Variants in C12orf54 observed in about 807,000 individuals in gnomAD.
C12orf54 encodes the protein chromosome 12 open reading frame 54.
C12orf54 carries 24 observed loss-of-function variants against 26.4 expected under a neutral mutation model. That is an observed-to-expected ratio of 0.91 (90% CI 0.66 to 1.28). The LOEUF (loss-of-function observed/expected upper bound fraction) is 1.28. Among genes scored for constraint, C12orf54 ranks in the 50% most tolerant of loss-of-function variants. The pLI, the probability that C12orf54 is intolerant of heterozygous loss-of-function variation, is 0.00. For synonymous variants in C12orf54, 54 were observed against 47.0 expected (o/e 1.15, Z -0.61); for missense variants, 154 against 150.9 (o/e 1.02, Z -0.11).
the C12orf54 span, among the ~76,000 whole-genome samples, chr12:48,467,868 C>T: frequency 6.6e-6 from 1 of 152,046 alleles, no homozygotes; most frequent in Admixed American, 6.6e-5. Flanking sequence ...CATGTAACAA[C>T]TTAGCTATTT....
chr12:48,479,034 A>G (rs372641942), upstream of C12orf54, among the ~76,000 whole-genome samples: 3 of 152,332 alleles, frequency 2.0e-5, no homozygotes, highest in East Asian at 3.9e-4. Flanking sequence ...AGGATTAAAA[A>G]TCATGCTGCT....
chr12:48,490,833 C>A lies in C12orf54; in HGVS notation c.190C>A (p.Arg64=). Residue 64 remains arginine, a synonymous_variant, in exon 6 of 9, where the codon CGA becomes AGA. Coordinates refer to ENST00000548364, the MANE Select transcript of C12orf54 (RefSeq NM_152319.4). Reference sequence around the variant, plus strand: ...TCAGCTGCAGGAAGATGCTCGGATTCGAGGTAAAACAGCACCATTCCAAGG... The same window carrying A: ...TCAGCTGCAGGAAGATGCTCGGATTAGAGGTAAAACAGCACCATTCCAAGG... ...QKELQEDARI[R]GMSNCSMTPM... is the part of the protein sequence containing the mutation. 1 of 1,613,310 alleles carries A rather than the reference C, an allele frequency of 6.2e-7. No homozygotes were observed. The highest frequency in any genetic ancestry group is 1.1e-5 in the South Asian group (1 of 91,064).
chr12:48,472,869 C>A, the C12orf54 span: 1 of 1,614,066 alleles, frequency 6.2e-7, no homozygotes, highest in Non-Finnish European at 8.5e-7. Flanking sequence ...ACTTAAGAAG[C>A]TTGAACTAAG....
the C12orf54 span, among the ~76,000 whole-genome samples, chr12:48,468,210 G>T: frequency 6.6e-6 from 1 of 152,166 alleles, no homozygotes; most frequent in Non-Finnish European, 1.5e-5. Context: ...GCAAGTGGTG[G>T]CAGCTGCTGC....
chr12:48,418,436 G>C, the C12orf54 span, among the ~76,000 whole-genome samples: 1 of 152,176 alleles, frequency 6.6e-6, no homozygotes, highest in African/African-American at 2.4e-5. Flanking sequence ...TCTCCAGTTT[G>C]CTATGTGTGA....
At chr12:48,479,056 T>C (rs1244029159), upstream of C12orf54, among the ~76,000 whole-genome samples, 1 of 152,204 alleles carries the variant, frequency 6.6e-6, no homozygotes, top group Non-Finnish European at 1.5e-5. Flanking sequence ...TAAAGATACA[T>C]GCACACGTAT....
At chr12:48,445,299 T>C in the C12orf54 span, among the ~76,000 whole-genome samples, 1 of 151,970 alleles carries the variant, frequency 6.6e-6, no homozygotes, top group Non-Finnish European at 1.5e-5. Flanking sequence ...TCGAGGATTT[T>C]AGACTCCCTG....
the C12orf54 span, among the ~76,000 whole-genome samples, chr12:48,467,198 G>A: frequency 1.4e-3 from 214 of 152,262 alleles, no homozygotes; most frequent in African/African-American, 4.9e-3. Context: ...CAGAGGTAGA[G>A]ACTGAAATAA....
the C12orf54 span, among the ~76,000 whole-genome samples, chr12:48,473,807 A>C: frequency 6.6e-6 from 1 of 152,176 alleles, no homozygotes; most frequent in Non-Finnish European, 1.5e-5. Flanking sequence ...TTGGTTACTC[A>C]ACACCCAGAA....
At chr12:48,428,533 A>G in the C12orf54 span, among the ~76,000 whole-genome samples, 4 of 152,136 alleles carry the variant, frequency 2.6e-5, no homozygotes, top group African/African-American at 7.2e-5. Context: ...TAAGGCTACT[A>G]TGAACAACTT....
the C12orf54 span, among the ~76,000 whole-genome samples, chr12:48,471,792 G>T: frequency 2.3e-3 from 348 of 152,196 alleles, no homozygotes; most frequent in South Asian, 4.6e-3. Context: ...CTCTGGCTTT[G>T]TTCTTTTTAC....
chr12:48,449,092 C>T, the C12orf54 span, among the ~76,000 whole-genome samples: 1 of 152,176 alleles, frequency 6.6e-6, no homozygotes, highest in African/African-American at 2.4e-5. Flanking sequence ...AGGAAACATT[C>T]AGGTTGAGAT....
At chr12:48,486,053 C>A in intron 2 of C12orf54, 125 bp from the exon 3 acceptor site, 1 of 916,196 alleles carries the variant, frequency 1.1e-6, no homozygotes, top group South Asian at 1.6e-5. Flanking sequence ...CCGTGGCTAC[C>A]CTTCCTGGAT....
At chr12:48,447,502 C>A in the C12orf54 span, among the ~76,000 whole-genome samples, 1 of 152,190 alleles carries the variant, frequency 6.6e-6, no homozygotes, top group East Asian at 1.9e-4. Context: ...AGAAGCCTTG[C>A]TCCTCCAGAC....
the C12orf54 span, among the ~76,000 whole-genome samples, chr12:48,429,945 T>A: frequency 1.3e-5 from 2 of 152,138 alleles, no homozygotes; most frequent in African/African-American, 4.8e-5. Flanking sequence ...CAAAACAGCA[T>A]GGTACTGGTA....
the C12orf54 span, among the ~76,000 whole-genome samples, chr12:48,431,153 G>A: frequency 6.6e-6 from 1 of 152,132 alleles, no homozygotes; most frequent in African/African-American, 2.4e-5. Context: ...GTGGGGAAGG[G>A]TGGTGGGGGA....
chr12:48,486,523 C>T, intron 3 of C12orf54, 165 bp from the exon 4 acceptor site: 1 of 698,344 alleles, frequency 1.4e-6, no homozygotes, highest in Non-Finnish European at 2.5e-6. Flanking sequence ...TGAAATGATT[C>T]ACCAGGGCTG....
upstream of C12orf54, among the ~76,000 whole-genome samples, chr12:48,478,583 A>G (rs563155885): frequency 5.3e-5 from 8 of 152,290 alleles, no homozygotes; most frequent in East Asian, 1.5e-3. Context: ...CAAAAATCAC[A>G]AGCATTCTTA....
chr12:48,480,017 T>C (rs1226103989), upstream of C12orf54, among the ~76,000 whole-genome samples: 1 of 152,008 alleles, frequency 6.6e-6, no homozygotes, highest in Non-Finnish European at 1.5e-5. Flanking sequence ...TATATATATA[T>C]AATGTAACAC....
Sources: gnomAD v4.1 joint callset for allele counts (sites outside exome capture counted in the v4.1 genomes callset) on GRCh38, gnomAD v4.1.1 for gene constraint, MANE v1.5 for transcripts, NCBI Gene and HGNC (gene_info 2026-07-23, HGNC 2026-07-21) for gene names.